ROBO1: variants seen among roughly 807,000 people sequenced by gnomAD.
ROBO1 encodes roundabout guidance receptor 1, also known as roundabout homolog 1.
In ROBO1, 149 loss-of-function variants were observed where a neutral mutation model predicts 195.9. That is an observed-to-expected ratio of 0.76 (90% CI 0.67 to 0.87). The LOEUF (loss-of-function observed/expected upper bound fraction) is 0.87. ROBO1 is among the 40% of genes least tolerant of loss of function. The pLI is 0.00. For synonymous variants in ROBO1, 816 were observed against 733.2 expected (o/e 1.11, Z -1.82); for missense variants, 1,933 against 2,068.3 (o/e 0.93, Z 1.27).
intron 1 of ROBO1, among the ~76,000 whole-genome samples, chr3:79,676,553 T>G (rs1946790430): frequency 6.6e-6 from 1 of 152,060 alleles, no homozygotes; most frequent in Non-Finnish European, 1.5e-5. Flanking sequence ...TCTGGTTTCT[T>G]AAGAGTTTCT....
At chr3:79,425,559 A>G (rs2038411686) in intron 2 of ROBO1, among the ~76,000 whole-genome samples, 1 of 152,128 alleles carries the variant, frequency 6.6e-6, no homozygotes, top group Non-Finnish European at 1.5e-5. Flanking sequence ...TTTGGCTAGC[A>G]CTGAATTAGT....
intron 4 of ROBO1, among the ~76,000 whole-genome samples, chr3:78,782,811 C>A (rs1316439386): frequency 1.3e-5 from 2 of 152,196 alleles, no homozygotes; most frequent in East Asian, 1.9e-4. Context: ...GTTGGTTTGT[C>A]TTCATTAAAT....
At chr3:78,861,687 CAA>C (rs1223731352) in intron 4 of ROBO1, among the ~76,000 whole-genome samples, 2 of 152,168 alleles carry the variant, frequency 1.3e-5, no homozygotes, top group Non-Finnish European at 2.9e-5. Context: ...GCTACCTATT[CAA>C]GAGAGATTTC....
intron 4 of ROBO1, among the ~76,000 whole-genome samples, chr3:78,803,758 A>G (rs2108588632): frequency 6.6e-6 from 1 of 152,292 alleles, no homozygotes; most frequent in African/African-American, 2.4e-5. Flanking sequence ...CACTGCTTAC[A>G]AAACTAGCAG....
chr3:79,117,297 G>T (rs533849977), intron 3 of ROBO1, among the ~76,000 whole-genome samples: 70 of 152,156 alleles, frequency 4.6e-4, no homozygotes, highest in Non-Finnish European at 5.1e-4. Flanking sequence ...TTGAACCTTG[G>T]GGGTGGAGGT....
At chr3:79,271,127 T>C (rs1426321208) in intron 2 of ROBO1, among the ~76,000 whole-genome samples, 1 of 151,984 alleles carries the variant, frequency 6.6e-6, no homozygotes, top group Non-Finnish European at 1.5e-5. Context: ...TGTAAACAGA[T>C]GTGCTTTCAA....
intron 4 of ROBO1, among the ~76,000 whole-genome samples, chr3:78,814,735 C>A (rs1469544469): frequency 6.6e-6 from 1 of 152,064 alleles, no homozygotes; most frequent in East Asian, 1.9e-4. Context: ...TCTACCAATT[C>A]ACGGTTGGTT....
At chr3:79,732,867 T>C (rs1049127876) in intron 1 of ROBO1, among the ~76,000 whole-genome samples, 17 of 152,064 alleles carry the variant, frequency 1.1e-4, no homozygotes, top group Admixed American at 9.8e-4. Flanking sequence ...TTAGCTTACA[T>C]TTTCATGTTT....
chr3:79,353,999 C>T (rs1240093863), intron 2 of ROBO1, among the ~76,000 whole-genome samples: 1 of 151,788 alleles, frequency 6.6e-6, no homozygotes, highest in East Asian at 1.9e-4. Context: ...CAGCTGAGAC[C>T]CCACCATTGC....
intron 1 of ROBO1, among the ~76,000 whole-genome samples, chr3:79,735,386 G>C (rs571215338): frequency 6.6e-6 from 1 of 152,116 alleles, no homozygotes; most frequent in Non-Finnish European, 1.5e-5. Flanking sequence ...GAAATAGATG[G>C]CTGGGAGGCA....
chr3:78,696,940 T>C (rs980853155), intron 8 of ROBO1, among the ~76,000 whole-genome samples: 8 of 151,846 alleles, frequency 5.3e-5, no homozygotes, highest in Admixed American at 3.3e-4. Context: ...TTTAATTATT[T>C]CATCACTTGA....
rs112544120 is a variant in ROBO1 at position 78,940,119 on chromosome 3, T to C, written c.173-1192A>G. On this transcript the variant is annotated intron_variant, in intron 3 of 30. Transcript: ENST00000464233. ...GCCTTACTGAAAGAGTCCCAAATCA[T>C]GCCCTCATCTAGTGTTTCAAGGTCA... Among the ~76,000 whole-genome samples, 145 of 152,318 alleles carry C rather than the reference T, an allele frequency of 9.5e-4. 1 individual carries two copies. The highest frequency in any genetic ancestry group is 3.0e-3 in the African/African-American group (124 of 41,574).
intron 1 of ROBO1, among the ~76,000 whole-genome samples, chr3:79,645,232 T>C (rs1486301536): frequency 2.6e-5 from 4 of 152,064 alleles, no homozygotes; most frequent in African/African-American, 4.8e-5. Context: ...CTGGGCATAG[T>C]GGCTCATGTC....
At chr3:78,981,834 C>A (rs1160781999) in intron 3 of ROBO1, among the ~76,000 whole-genome samples, 1 of 151,134 alleles carries the variant, frequency 6.6e-6, no homozygotes, top group Non-Finnish European at 1.5e-5. Flanking sequence ...CAAAAACACA[C>A]CCACAGTGAG....
chr3:79,116,487 CTTCTCTCTCTCTTTCTTTCTTTTCT>C (rs2080003259), intron 3 of ROBO1, among the ~76,000 whole-genome samples: 1 of 136,530 alleles, frequency 7.3e-6, no homozygotes, highest in African/African-American at 2.7e-5. Flanking sequence ...TCTTTCTCTC[CTTCTCTCTCTCTTTCTTTCTTTTCT>C]TTCTCTCTTT....
At chr3:79,390,021 A>G (rs2036889056) in intron 2 of ROBO1, among the ~76,000 whole-genome samples, 3 of 152,150 alleles carry the variant, frequency 2.0e-5, no homozygotes, top group African/African-American at 4.8e-5. Context: ...GAGGTGAACT[A>G]ATCTGGAATT....
chr3:79,453,399 C>T (rs1181179385), intron 2 of ROBO1, among the ~76,000 whole-genome samples: 1 of 152,008 alleles, frequency 6.6e-6, no homozygotes, highest in Admixed American at 6.6e-5. Context: ...CAAACAGTGG[C>T]TTTTAGACCA....
chr3:79,584,235 T>C (rs986303896), intron 2 of ROBO1, among the ~76,000 whole-genome samples: 1 of 143,780 alleles, frequency 7.0e-6, no homozygotes, highest in Non-Finnish European at 1.5e-5. Context: ...TACATGCATA[T>C]GTTACATAGG....
chr3:79,563,302 TAA>T (rs1035721332), intron 2 of ROBO1, among the ~76,000 whole-genome samples: 2 of 152,044 alleles, frequency 1.3e-5, no homozygotes, highest in African/African-American at 4.8e-5. Context: ...TCATGTCTTC[TAA>T]AGACATAAAC....
Sources: gnomAD v4.1 joint callset for allele counts (sites outside exome capture counted in the v4.1 genomes callset) on GRCh38, gnomAD v4.1.1 for gene constraint, MANE v1.5 for transcripts, NCBI Gene and HGNC (gene_info 2026-07-23, HGNC 2026-07-21) for gene names.